Variants in CDC14A observed in about 807,000 individuals in gnomAD.
The protein encoded by CDC14A is cell division cycle 14A, also known as dual specificity protein phosphatase CDC14A.
CDC14A carries 53 observed loss-of-function variants against 74.4 expected under a neutral mutation model. The ratio of observed to expected loss-of-function variants is 0.71; its 90% CI spans 0.57 to 0.89. The LOEUF (loss-of-function observed/expected upper bound fraction) is 0.89, where lower values mean the gene tolerates loss of function less well. Ranked by LOEUF, CDC14A falls within the 40% of genes least tolerant of loss-of-function variation. The probability of loss-of-function intolerance (pLI) is 0.00; values close to 1 mark genes in which losing one functional copy is unlikely to be tolerated. For synonymous variants in CDC14A, 247 were observed against 258.4 expected, an observed-to-expected ratio of 0.96 and a Z score of 0.43; for missense variants, 646 against 713.7, an observed-to-expected ratio of 0.91 and a Z score of 1.08.
At chr1:100,382,375 C>A (rs1656256452) in intron 3 of CDC14A, among the ~76,000 whole-genome samples, 1 of 149,004 alleles carries the variant, frequency 6.7e-6, no homozygotes, top group Admixed American at 6.6e-5. Flanking sequence ...ACTTCTGCAC[C>A]CCACCCAGCT....
chr1:100,507,757 A>T (rs1339309320), intron 15 of CDC14A, among the ~76,000 whole-genome samples: 1 of 151,852 alleles, frequency 6.6e-6, no homozygotes, highest in African/African-American at 2.4e-5. Context: ...TCCACCTCCC[A>T]GGTTCTCCAC....
intron 4 of CDC14A, among the ~76,000 whole-genome samples, chr1:100,407,185 T>C (rs1660060560): frequency 6.6e-6 from 1 of 152,090 alleles, no homozygotes; most frequent in Non-Finnish European, 1.5e-5. Flanking sequence ...ATTCAGGCTC[T>C]TTTTTGATTC....
intron 4 of CDC14A, among the ~76,000 whole-genome samples, chr1:100,412,696 T>TTATATATATA (rs139550432): frequency 2.2e-4 from 16 of 74,106 alleles, no homozygotes; most frequent in African/African-American, 1.2e-3. Flanking sequence ...CCTGTATGTT[T>TTATATATATA]TATATATATA....
At chr1:100,368,618 G>A (rs575910762) in intron 2 of CDC14A, among the ~76,000 whole-genome samples, 60 of 152,282 alleles carry the variant, frequency 3.9e-4, no homozygotes, top group Non-Finnish European at 5.7e-4. Context: ...AGATTCAGGG[G>A]TATATGTGCA....
chr1:100,470,097 A>G (rs56769858), intron 10 of CDC14A, among the ~76,000 whole-genome samples: 8,649 of 152,258 alleles, frequency 0.057, 831 homozygotes, highest in African/African-American at 0.2. Flanking sequence ...GAAACATTGC[A>G]TATCAAATCC....
At chr1:100,480,447 T>C (rs955816632) in intron 10 of CDC14A, among the ~76,000 whole-genome samples, 1 of 152,226 alleles carries the variant, frequency 6.6e-6, no homozygotes, top group Admixed American at 6.5e-5. Flanking sequence ...AATGCAACTG[T>C]TCTGAACATT....
At chr1:100,438,723 G>A (rs1368766462) in intron 5 of CDC14A, among the ~76,000 whole-genome samples, 2 of 152,304 alleles carry the variant, frequency 1.3e-5, no homozygotes, top group East Asian at 1.9e-4. Flanking sequence ...TTAGGCTTTC[G>A]GGATGCTGAA....
intron 7 of CDC14A, among the ~76,000 whole-genome samples, chr1:100,451,690 T>A (rs1043991928): frequency 2.0e-5 from 3 of 152,246 alleles, no homozygotes; most frequent in Non-Finnish European, 4.4e-5. Context: ...TCACTGTCAT[T>A]CCTCTTACAT....
intron 11 of CDC14A, among the ~76,000 whole-genome samples, chr1:100,491,784 T>C (rs559548): frequency 0.94 from 140,783 of 150,466 alleles, 66,406 homozygotes; most frequent in Non-Finnish European, 1. Flanking sequence ...GTGGGCCAGG[T>C]TGGTCTTGAA....
chr1:100,479,175 A>G (rs1669207047), intron 10 of CDC14A, among the ~76,000 whole-genome samples: 1 of 152,210 alleles, frequency 6.6e-6, no homozygotes, highest in African/African-American at 2.4e-5. Context: ...AAGATGAAAA[A>G]CATCTGTTTA....
In CDC14A at chr1:100,455,674, A is replaced by T. The variant is rs114112363; in HGVS notation, c.607+182A>T. ...TTGTATTTCCAGTAGGTGGAGCTAT[A>T]ATCACTGTTTTAGAACTTAACAAAT... On this transcript the variant is annotated intron_variant, in intron 8 of 15. Coordinates refer to ENST00000336454, the MANE Select transcript of CDC14A (RefSeq NM_003672.4). 5.7e-3 allele frequency among the ~76,000 whole-genome samples: 864 copies of T among 152,322 alleles called. 11 individuals are homozygous for T. Among genetic ancestry groups the T allele is most frequent in the African/African-American group, 0.02 (819 of 41,576 alleles).
chr1:100,453,235 T>A (rs1485259342), intron 7 of CDC14A, among the ~76,000 whole-genome samples: 1 of 152,224 alleles, frequency 6.6e-6, no homozygotes, highest in African/African-American at 2.4e-5. Flanking sequence ...TCTCTCCATA[T>A]GATTAATTAT....
At chr1:100,395,345 C>T (rs907647909) in intron 4 of CDC14A, among the ~76,000 whole-genome samples, 1 of 151,046 alleles carries the variant, frequency 6.6e-6, no homozygotes, top group Admixed American at 6.6e-5. Flanking sequence ...TTCCTTCTCT[C>T]CCTAAATGTA....
At chr1:100,351,899 C>CA, upstream of CDC14A, 3 of 1,159,420 alleles carry the variant, frequency 2.6e-6, no homozygotes, top group Non-Finnish European at 3.7e-6. Flanking sequence ...CAGACCCCCT[C>CA]AGTGTTGGGC....
Position 100,352,947 on chromosome 1 carries a change from C to A in CDC14A, c.-8C>A. 6.2e-7 allele frequency: 1 copy of A among 1,613,936 alleles called. No homozygotes were observed. Among genetic ancestry groups the A allele is most frequent in the Non-Finnish European group, 8.5e-7 (1 of 1,180,016 alleles). ...ACCCAGCCCTCCCCCGTGCGTATCTCGCTTAAGATGGCAGCGGAGTCAGGG... is the reference window on the plus strand; with the variant it reads ...ACCCAGCCCTCCCCCGTGCGTATCTAGCTTAAGATGGCAGCGGAGTCAGGG... On this transcript the variant is annotated 5_prime_UTR_variant, in exon 1 of 16. Transcript: ENST00000336454.
chr1:100,456,738 C>T (rs928634337), intron 8 of CDC14A, among the ~76,000 whole-genome samples: 14 of 151,936 alleles, frequency 9.2e-5, no homozygotes, highest in African/African-American at 2.9e-4. Flanking sequence ...ATAATTTGAG[C>T]TTTCATAAAT....
chr1:100,501,839 G>A (rs941451530), intron 15 of CDC14A, among the ~76,000 whole-genome samples: 7 of 151,956 alleles, frequency 4.6e-5, no homozygotes, highest in African/African-American at 1.7e-4. Context: ...TGTAGGCCCA[G>A]GCTAATGTGT....
chr1:100,451,197 G>A (rs973114266), intron 7 of CDC14A, among the ~76,000 whole-genome samples: 2 of 152,148 alleles, frequency 1.3e-5, no homozygotes, highest in African/African-American at 2.4e-5. Context: ...TCATCTTTGC[G>A]TCTTGAACAT....
chr1:100,383,572 G>A (rs1656446594), intron 3 of CDC14A: 1 of 152,596 alleles, frequency 6.6e-6, no homozygotes, highest in Admixed American at 6.6e-5. Context: ...CGCTTTTGCA[G>A]TGAGATGACC....
Sources: gnomAD v4.1 joint callset for allele counts (sites outside exome capture counted in the v4.1 genomes callset) on GRCh38, gnomAD v4.1.1 for gene constraint, MANE v1.5 for transcripts, NCBI Gene and HGNC (gene_info 2026-07-23, HGNC 2026-07-21) for gene names.